The following YTHDC2 variants were observed in gnomAD, a reference collection of about 807,000 sequenced individuals.
The protein encoded by YTHDC2 is YTH N6-methyladenosine RNA binding protein C2.
In YTHDC2, 45 loss-of-function variants were observed where a neutral mutation model predicts 174.9. The observed-to-expected ratio is 0.26, with a 90% CI of 0.20 to 0.33. The LOEUF is 0.33. YTHDC2 is among the 10% of genes least tolerant of loss of function. The pLI, the probability that YTHDC2 is intolerant of heterozygous loss-of-function variation, is 1.00. For missense variants in YTHDC2, 1,650 were observed against 1,723.7 expected (o/e 0.96, Z 0.76); for synonymous variants, 657 against 574.5 (o/e 1.14, Z -2.05).
intron 28 of YTHDC2, 198 bp downstream of exon 28, chr5:113,592,376 C>T: frequency 4.4e-6 from 2 of 452,664 alleles, no homozygotes; most frequent in Non-Finnish European, 7.6e-6. Flanking sequence ...GTCAGAGTCT[C>T]AAGATGACAA....
chr5:113,546,364 A>G (rs1160240172), intron 10 of YTHDC2, among the ~76,000 whole-genome samples: 1 of 152,174 alleles, frequency 6.6e-6, no homozygotes, highest in African/African-American at 2.4e-5. Flanking sequence ...TACATTTCCC[A>G]GAGTCCAGTA....
At chr5:113,577,847 G>A (rs940339127) in intron 23 of YTHDC2, among the ~76,000 whole-genome samples, 1 of 152,074 alleles carries the variant, frequency 6.6e-6, no homozygotes, top group East Asian at 1.9e-4. Context: ...TTGTCATGGT[G>A]AATGGATTCT....
chr5:113,531,523 T>C (rs1039518413), intron 4 of YTHDC2, among the ~76,000 whole-genome samples: 41 of 152,078 alleles, frequency 2.7e-4, no homozygotes, highest in Non-Finnish European at 3.1e-4. Flanking sequence ...ACAAGCTGTT[T>C]AGATAAACTC....
intron 17 of YTHDC2, among the ~76,000 whole-genome samples, chr5:113,560,306 G>T (rs2112702567): frequency 6.6e-6 from 1 of 152,262 alleles, no homozygotes; most frequent in Non-Finnish European, 1.5e-5. Flanking sequence ...GGACTAAATG[G>T]CTGGTGTCAT....
intron 10 of YTHDC2, among the ~76,000 whole-genome samples, chr5:113,547,637 T>C (rs1267330008): frequency 6.6e-6 from 1 of 152,152 alleles, no homozygotes; most frequent in Non-Finnish European, 1.5e-5. Context: ...TCAGTTTTGC[T>C]GTGAATCTAA....
At chr5:113,564,339 C>T (rs1276547923) in intron 20 of YTHDC2, among the ~76,000 whole-genome samples, 1 of 151,850 alleles carries the variant, frequency 6.6e-6, no homozygotes. Context: ...CCATTTTCTC[C>T]TTATAGGAAT....
intron 7 of YTHDC2, among the ~76,000 whole-genome samples, chr5:113,537,609 C>T (rs1372182370): frequency 4.0e-5 from 6 of 150,930 alleles, no homozygotes; most frequent in African/African-American, 7.3e-5. Context: ...CTCTTGTTTC[C>T]TGCCCTATGC....
chr5:113,528,694 A>G (rs981192281), intron 4 of YTHDC2, among the ~76,000 whole-genome samples: 1 of 152,158 alleles, frequency 6.6e-6, no homozygotes, highest in Non-Finnish European at 1.5e-5. Context: ...TTTTTTGTAG[A>G]GACGAGGTTT....
Position 113,584,339 on chromosome 5 carries a change from C to T in YTHDC2, c.3685C>T (p.Pro1229Ser), listed in dbSNP as rs1490132306. The T allele has an allele frequency of 3.1e-6, 5 of 1,613,538 alleles. No homozygotes were observed. In the African/African-American group the frequency reaches 4.0e-5, roughly 13 times the overall value. ...MKSPSPALHP[P>S]QKYKDRGILH... ...ATCTCCATCTCCAGCATTACACCCA[C>T]CTCAGAAGTACAAAGATAGAGGAAT... The change falls in exon 26 of 30, where the codon CCT becomes TCT. Residue 1229 changes from proline (P) to serine (S), a missense_variant. By Grantham distance (74) the Pro-to-Ser change is moderately conservative (BLOSUM62 -1). Coordinates refer to ENST00000161863, the MANE Select transcript of YTHDC2 (RefSeq NM_022828.5).
Position 113,553,749 on chromosome 5 carries a change from T to C in YTHDC2, c.1965-18T>C, listed in dbSNP as rs915478901. ...CGGACAGGTCTTATAGTATGTTTTC[T>C]CTTTCAATTGTCTGCAGATACCAAG... On this transcript the variant is annotated intron_variant, in intron 14 of 29. Transcript: ENST00000161863. 11 of 1,612,312 alleles carry C rather than the reference T, an allele frequency of 6.8e-6. No individual in the cohort carries two copies. Among genetic ancestry groups the C allele is most frequent in the African/African-American group, 1.3e-5 (1 of 74,978 alleles).
At chr5:113,563,287 G>T in intron 18 of YTHDC2, 86 bp from the exon 19 acceptor site, 2 of 1,179,864 alleles carry the variant, frequency 1.7e-6, no homozygotes, top group Non-Finnish European at 2.3e-6. Flanking sequence ...TCTGTGTTTG[G>T]GAACTGTAGT....
Position 113,563,842 on chromosome 5 carries a change from T to C in YTHDC2, c.2443-17T>C. The C allele has an allele frequency of 6.2e-7, 1 of 1,613,738 alleles. No individual in the cohort carries two copies. Among genetic ancestry groups the C allele is most frequent in the Non-Finnish European group, 8.5e-7 (1 of 1,179,790 alleles). The stretch of plus-strand genomic sequence containing the variant: ...AGTTTGCTCACATCAAAGTCTGTTC[T>C]GTCTCCTTTTACTTAGACAATAGAT... On this transcript the variant is annotated splice_polypyrimidine_tract_variant and intron_variant, in intron 19 of 29. Coordinates refer to ENST00000161863, the MANE Select transcript of YTHDC2 (RefSeq NM_022828.5).
intron 17 of YTHDC2, among the ~76,000 whole-genome samples, chr5:113,557,149 CTG>C (rs1283685037): frequency 6.6e-6 from 1 of 152,042 alleles, no homozygotes; most frequent in African/African-American, 2.4e-5. Flanking sequence ...ATTGTTAACT[CTG>C]AGAAGGAGGA....
chr5:113,592,373 T>C, intron 28 of YTHDC2, 195 bp downstream of exon 28: 1 of 465,490 alleles, frequency 2.1e-6, no homozygotes, highest in Non-Finnish European at 3.7e-6. Context: ...GCAGTCAGAG[T>C]CTCAAGATGA....
rs188438194 is a variant in YTHDC2, at chr5:113,531,191, G to A, written c.676-1688G>A. On this transcript the variant is annotated intron_variant, in intron 4 of 29. Transcript: ENST00000161863. Reference sequence around the variant, plus strand: ...TAAAATATTTGTTGGTGGTACTTACGCATTTATGCTTCTGTATGCTGGGTT... The same window carrying A: ...TAAAATATTTGTTGGTGGTACTTACACATTTATGCTTCTGTATGCTGGGTT... Among the ~76,000 whole-genome samples, 1,147 of 142,020 alleles carry A rather than the reference G, an allele frequency of 8.1e-3. 9 individuals are homozygous for A. Among genetic ancestry groups the A allele is most frequent in the South Asian group, 0.018 (87 of 4,738 alleles). The allele number at this position is 142,020 out of a possible 152,430, so 93.2% of individuals were successfully genotyped here. A position where few individuals can be genotyped will look rare whatever the true frequency, so the allele number is the denominator to read the frequency against.
intron 2 of YTHDC2, among the ~76,000 whole-genome samples, chr5:113,524,125 G>A (rs1468544972): frequency 1.3e-5 from 2 of 152,106 alleles, no homozygotes; most frequent in Non-Finnish European, 2.9e-5. Flanking sequence ...TACCTGTAGT[G>A]CCACAACTAG....
intron 12 of YTHDC2, among the ~76,000 whole-genome samples, chr5:113,550,250 G>A (rs1392480532): frequency 6.6e-6 from 1 of 151,974 alleles, no homozygotes; most frequent in Admixed American, 6.6e-5. Context: ...AACAGAAGAT[G>A]TGGGGCTCTA....
intron 2 of YTHDC2, 91 bp downstream of exon 2, chr5:113,515,453 C>A (rs367653915): frequency 5.0e-6 from 5 of 1,007,740 alleles, no homozygotes; most frequent in African/African-American, 3.3e-5. Context: ...GTACTTATTA[C>A]TGTTTTAACT....
At chr5:113,577,761 T>C (rs1778149746) in intron 23 of YTHDC2, among the ~76,000 whole-genome samples, 1 of 152,168 alleles carries the variant, frequency 6.6e-6, no homozygotes, top group Admixed American at 6.6e-5. Context: ...AAAAAATATA[T>C]ATTTTTGGTA....
Sources: allele counts gnomAD v4.1 joint callset (sites outside exome capture counted in the v4.1 genomes callset), GRCh38; gene constraint gnomAD v4.1.1; transcripts MANE v1.5; gene names NCBI Gene and HGNC (gene_info 2026-07-23, HGNC 2026-07-21).